The following PRKN variants were observed in gnomAD, a reference collection of about 807,000 sequenced individuals.
PRKN encodes E3 ubiquitin-protein ligase parkin.
A neutral mutation model predicts 59.5 loss-of-function variants in PRKN; 56 were observed. The observed-to-expected ratio is 0.94, with a 90% CI of 0.76 to 1.18. The LOEUF is 1.18. Among genes scored for constraint, PRKN ranks in the 50% most tolerant of loss-of-function variants. The pLI, the probability that PRKN is intolerant of heterozygous loss-of-function variation, is 0.00. For synonymous variants in PRKN, 250 were observed against 222.1 expected, an observed-to-expected ratio of 1.13 and a Z score of -1.12; for missense variants, 657 against 596.4, an observed-to-expected ratio of 1.10 and a Z score of -1.06.
At position 161,554,672 on chromosome 6, in the gene PRKN, T is replaced by TACCCC. The variant is rs1278792882; in HGVS notation, c.934-5670_934-5669insGGGGT. ...TATGGAATTATAGTTTCTTACAGTA[T>TACCCC]ACATATAAGGAATATACAATCCTGA... On this transcript the variant is annotated intron_variant, in intron 8 of 11. Coordinates refer to ENST00000366898, the MANE Select transcript of PRKN (RefSeq NM_004562.3). This position sits in a 1 kb window ranked among gnomAD's most constrained non-coding sequence, Gnocchi z 4.5. 6.6e-6 allele frequency among the ~76,000 whole-genome samples: 1 copy of TACCCC among 151,534 alleles called. No homozygotes were observed. Among genetic ancestry groups the TACCCC allele is most frequent in the Non-Finnish European group, 1.5e-5 (1 of 67,922 alleles).
At chr6:162,701,885 A>C (rs1230313138) in intron 1 of PRKN, among the ~76,000 whole-genome samples, 4 of 98,832 alleles carry the variant, frequency 4.0e-5, no homozygotes, top group Non-Finnish European at 6.0e-5. Flanking sequence ...ACACACACAC[A>C]CCCCCCCGAC....
intron 1 of PRKN, among the ~76,000 whole-genome samples, chr6:162,588,993 C>T (rs1399706889): frequency 6.6e-6 from 1 of 152,090 alleles, no homozygotes; most frequent in African/African-American, 2.4e-5. Context: ...CTGAGGTCAC[C>T]ATCCTCTCAC....
At chr6:161,788,732 A>G (rs1790524005) in intron 6 of PRKN, among the ~76,000 whole-genome samples, 1 of 152,230 alleles carries the variant, frequency 6.6e-6, no homozygotes, top group Non-Finnish European at 1.5e-5. Context: ...GTGGAATGCA[A>G]CCGGGGAAGC....
At chr6:161,630,258 G>A (rs1275525552) in intron 7 of PRKN, among the ~76,000 whole-genome samples, 1 of 152,022 alleles carries the variant, frequency 6.6e-6, no homozygotes, top group Non-Finnish European at 1.5e-5. Flanking sequence ...TCTACCCAAG[G>A]AACTGCCGAG....
At chr6:161,479,803 C>G (rs1293874752) in intron 9 of PRKN, among the ~76,000 whole-genome samples, 4 of 152,194 alleles carry the variant, frequency 2.6e-5, no homozygotes, top group African/African-American at 9.7e-5. Context: ...GGGGCACCCC[C>G]TCCCTGTATT....
intron 4 of PRKN, among the ~76,000 whole-genome samples, chr6:162,198,792 C>T (rs9458480): frequency 0.17 from 26,479 of 151,946 alleles, 2,901 homozygotes; most frequent in Middle Eastern, 0.26. Flanking sequence ...TCAGCCAAGC[C>T]TTACTGTTCC....
intron 7 of PRKN, among the ~76,000 whole-genome samples, chr6:161,701,862 C>CA (rs1232070951): frequency 6.6e-6 from 1 of 152,000 alleles, no homozygotes; most frequent in Non-Finnish European, 1.5e-5. Context: ...GCATGTATCC[C>CA]AAAAAAATCT....
chr6:161,798,822 C>T (rs9458376), intron 6 of PRKN, among the ~76,000 whole-genome samples: 14,401 of 152,176 alleles, frequency 0.095, 1,794 homozygotes, highest in African/African-American at 0.29. Context: ...GGGCCAGGCA[C>T]GCTTACATGG....
chr6:162,534,703 C>A (rs770430567), intron 1 of PRKN, among the ~76,000 whole-genome samples: 5 of 152,302 alleles, frequency 3.3e-5, no homozygotes, highest in Non-Finnish European at 5.9e-5. Flanking sequence ...TCCCGAGCCA[C>A]TTTCTGGCTA....
intron 9 of PRKN, among the ~76,000 whole-genome samples, chr6:161,485,737 A>G (rs1480668861): frequency 6.6e-6 from 1 of 152,086 alleles, no homozygotes; most frequent in Admixed American, 6.6e-5. Flanking sequence ...TGAGAAAAAC[A>G]GAATATTTTA....
At chr6:162,710,869 G>T (rs1357710029) in intron 1 of PRKN, among the ~76,000 whole-genome samples, 2 of 152,202 alleles carry the variant, frequency 1.3e-5, no homozygotes, top group African/African-American at 4.8e-5. Flanking sequence ...GAGGTGGGAA[G>T]GGCCTAAGAG....
chr6:162,119,832 C>T (rs1419609829), intron 4 of PRKN, among the ~76,000 whole-genome samples: 2 of 152,094 alleles, frequency 1.3e-5, no homozygotes, highest in Non-Finnish European at 2.9e-5. Context: ...TCTCAGGGTC[C>T]AATATCTTGC....
At chr6:161,971,345 AC>A (rs1780799347) in intron 6 of PRKN, among the ~76,000 whole-genome samples, 1 of 152,194 alleles carries the variant, frequency 6.6e-6, no homozygotes, top group Non-Finnish European at 1.5e-5. Flanking sequence ...ATGTTTACCA[AC>A]CTTAATGGAA....
intron 6 of PRKN, among the ~76,000 whole-genome samples, chr6:161,906,362 T>TGA (rs1778144511): frequency 6.6e-6 from 1 of 152,156 alleles, no homozygotes. Context: ...AAACTTCTTC[T>TGA]CAGAACCTTG....
intron 4 of PRKN, among the ~76,000 whole-genome samples, chr6:162,124,351 A>G (rs1781037540): frequency 6.6e-6 from 1 of 152,200 alleles, no homozygotes; most frequent in South Asian, 2.1e-4. Context: ...GCAAAAAACC[A>G]GTGGGATCTG....
At chr6:162,055,076 C>T (rs946962524) in intron 4 of PRKN, among the ~76,000 whole-genome samples, 8 of 152,134 alleles carry the variant, frequency 5.3e-5, no homozygotes, top group African/African-American at 1.7e-4. Flanking sequence ...GTAGGAGAAT[C>T]GCTTGAATGC....
intron 7 of PRKN, among the ~76,000 whole-genome samples, chr6:161,624,617 G>A (rs1043419548): frequency 6.6e-6 from 1 of 152,154 alleles, no homozygotes; most frequent in East Asian, 1.9e-4. Flanking sequence ...TGCAAGGTTA[G>A]CACTGGGAGA....
intron 1 of PRKN, among the ~76,000 whole-genome samples, chr6:162,538,268 A>G (rs1267622145): frequency 2.6e-5 from 4 of 152,102 alleles, no homozygotes; most frequent in Admixed American, 2.0e-4. Flanking sequence ...ATGATGGCAC[A>G]GGCCTGTAAT....
At position 161,428,529 on chromosome 6, in the gene PRKN, C is replaced by T. The variant is rs1033231848; in HGVS notation, c.1084-41652G>A. ...TGCCCAGGGCAGCAGCCATAAAGGCCGTGGCACCTTCTTGCATCTCTAAGT... is the reference window on the plus strand; with the variant it reads ...TGCCCAGGGCAGCAGCCATAAAGGCTGTGGCACCTTCTTGCATCTCTAAGT... On this transcript the variant is annotated intron_variant, in intron 9 of 11. Transcript: ENST00000366898. The surrounding 1 kb of genome is among the most constrained non-coding windows in gnomAD (Gnocchi z 4.0). Among the ~76,000 whole-genome samples, 7 of 152,154 alleles carry T rather than the reference C, an allele frequency of 4.6e-5. No individual in the cohort carries two copies. The highest frequency in any genetic ancestry group is 1.0e-4 in the Non-Finnish European group (7 of 68,034).
Sources: allele counts gnomAD v4.1 joint callset (sites outside exome capture counted in the v4.1 genomes callset), GRCh38; gene constraint gnomAD v4.1.1; non-coding constraint Gnocchi (gnomAD v3.1); transcripts MANE v1.5; gene names NCBI Gene and HGNC (gene_info 2026-07-23, HGNC 2026-07-21).